Variants in FOXK1 observed in about 807,000 individuals in gnomAD.
FOXK1 encodes the protein forkhead box protein K1.
FOXK1 carries 19 observed loss-of-function variants against 51.9 expected under a neutral mutation model. The observed-to-expected ratio is 0.37, with a 90% CI of 0.26 to 0.54. The LOEUF is 0.54. FOXK1 is among the 20% of genes least tolerant of loss of function. The pLI is 0.87. For synonymous variants in FOXK1, 537 were observed against 482.6 expected (o/e 1.11, Z -1.48); for missense variants, 870 against 1,032.7 (o/e 0.84, Z 2.16).
intron 1 of FOXK1, among the ~76,000 whole-genome samples, chr7:4,686,646 G>A (rs538057244): frequency 2.0e-5 from 3 of 152,274 alleles, no homozygotes; most frequent in South Asian, 2.1e-4. Context: ...GGCTGGGGCC[G>A]AGAATTTATG....
chr7:4,751,847 C>G (rs1333200573), intron 2 of FOXK1, among the ~76,000 whole-genome samples: 2 of 152,240 alleles, frequency 1.3e-5, no homozygotes, highest in Non-Finnish European at 2.9e-5. Context: ...GAGAAACCAC[C>G]CTACTCTCTC....
chr7:4,737,540 G>C (rs189635882), intron 1 of FOXK1, among the ~76,000 whole-genome samples: 1 of 133,068 alleles, frequency 7.5e-6, no homozygotes, highest in East Asian at 2.5e-4. Flanking sequence ...ATTCATGCAC[G>C]TGTGTGCGTG....
In FOXK1 at chr7:4,755,364, C is replaced by T. The variant is rs760068309; in HGVS notation, c.1031C>T (p.Thr344Met). The T allele has an allele frequency of 2.2e-5, 35 of 1,613,432 alleles. No homozygotes were observed. The highest frequency in any genetic ancestry group is 4.0e-5 in the African/African-American group (3 of 74,918). Residue 344 changes from threonine (T) to methionine (M), a missense_variant, in exon 4 of 9, where the codon ACG (threonine) becomes ATG (methionine). Around this residue, in one of 3 missense-constraint regions of FOXK1, gnomAD observed 399 missense variants for 475.6 expected, o/e 0.84. Coordinates refer to ENST00000328914, the MANE Select transcript of FOXK1 (RefSeq NM_001037165.2). This position sits in a 1 kb window ranked among gnomAD's most constrained non-coding sequence, Gnocchi z 6.6. ...HITKHYPYYRTADKGWQNSIR... is the reference protein window; with the variant it reads ...HITKHYPYYRMADKGWQNSIR... ...ACCAAGCATTACCCCTACTACCGGA[C>T]GGCCGACAAAGGCTGGCAGGTGAAG...
chr7:4,738,557 A>G (rs377131565), intron 1 of FOXK1, among the ~76,000 whole-genome samples: 3 of 152,298 alleles, frequency 2.0e-5, no homozygotes, highest in East Asian at 3.9e-4. Flanking sequence ...GTTCCTCTCA[A>G]TGTGACTTAA....
At position 4,761,726 on chromosome 7, in the gene FOXK1, A is replaced by C. The variant is rs1780934968; in HGVS notation, c.1921+438A>C. 6.6e-6 allele frequency among the ~76,000 whole-genome samples: 1 copy of C among 152,070 alleles called. No individual in the cohort carries two copies. Among genetic ancestry groups the C allele is most frequent in the South Asian group, 2.1e-4 (1 of 4,826 alleles). On this transcript the variant is annotated intron_variant, in intron 8 of 8. Coordinates refer to ENST00000328914, the MANE Select transcript of FOXK1 (RefSeq NM_001037165.2). This position sits in a 1 kb window ranked among gnomAD's most constrained non-coding sequence, Gnocchi z 6.2. ...AAAAAAAAGTGGGGGGAAAGAAAAC[A>C]GGGTGGAAGGAAAACCCAGATCTGC...
At chr7:4,725,882 G>A (rs1392362668) in intron 1 of FOXK1, among the ~76,000 whole-genome samples, 3 of 152,224 alleles carry the variant, frequency 2.0e-5, no homozygotes, top group Admixed American at 2.0e-4. Flanking sequence ...CTGGCTGGCA[G>A]GGGTGTGGGT....
At chr7:4,737,472 G>C (rs1780568223) in intron 1 of FOXK1, among the ~76,000 whole-genome samples, 1 of 150,708 alleles carries the variant, frequency 6.6e-6, no homozygotes, top group Non-Finnish European at 1.5e-5. Flanking sequence ...ATGTGTGTGT[G>C]TGCGTGGGTG....
At chr7:4,737,863 C>G (rs1780576069) in intron 1 of FOXK1, among the ~76,000 whole-genome samples, 1 of 152,192 alleles carries the variant, frequency 6.6e-6, no homozygotes, top group African/African-American at 2.4e-5. Context: ...TGGCTCACGC[C>G]TGTAATCCCA....
rs536732172 is a variant in FOXK1, at chr7:4,748,461, T to C, written c.747-5998T>C. Among the ~76,000 whole-genome samples, 4 of 152,356 alleles carry C rather than the reference T, an allele frequency of 2.6e-5. No homozygotes were observed. In the East Asian group the frequency reaches 7.7e-4, roughly 29 times the overall value. On this transcript the variant is annotated intron_variant, in intron 2 of 8. Transcript: ENST00000328914. This position sits in a 1 kb window ranked among gnomAD's most constrained non-coding sequence, Gnocchi z 4.9. The stretch of plus-strand genomic sequence containing the variant: ...TTTCCTTCCTTGTACTTTTGGCTTA[T>C]TTCCGCCACACTCCCCCCGCTCTTG...
rs112443938 is a variant in FOXK1, at chr7:4,735,760, C to T, written c.561-5078C>T. ...CGTGCAGCACCTTCACGATGCAAAA[C>T]GTGCTCGTTCAGACTCCAGCTAGAG... On this transcript the variant is annotated intron_variant, in intron 1 of 8. Coordinates refer to ENST00000328914, the MANE Select transcript of FOXK1 (RefSeq NM_001037165.2). This position sits in a 1 kb window ranked among gnomAD's most constrained non-coding sequence, Gnocchi z 4.7. 6.3e-3 allele frequency among the ~76,000 whole-genome samples: 964 copies of T among 152,300 alleles called. 7 individuals are homozygous for T. The highest frequency in any genetic ancestry group is 0.02 in the African/African-American group (823 of 41,560).
intron 1 of FOXK1, among the ~76,000 whole-genome samples, chr7:4,686,865 G>C (rs1253453881): frequency 6.6e-6 from 1 of 151,200 alleles, no homozygotes; most frequent in African/African-American, 2.4e-5. Context: ...TTATGGGGAG[G>C]GGGGTGAGGT....
intron 7 of FOXK1, 108 bp from the exon 8 acceptor site, chr7:4,760,956 C>T (rs1780923247): frequency 4.0e-6 from 4 of 1,001,094 alleles, no homozygotes; most frequent in Admixed American, 3.8e-5. Context: ...CTATTTTTTC[C>T]CAGTGCCGAC....
chr7:4,684,298 C>T (rs897034964), intron 1 of FOXK1, among the ~76,000 whole-genome samples: 3 of 152,202 alleles, frequency 2.0e-5, no homozygotes, highest in Admixed American at 2.0e-4. Flanking sequence ...TTTATAAACG[C>T]CTTGCGTCTG....
In FOXK1 at chr7:4,761,507, C is replaced by T. The variant is rs1055139345; in HGVS notation, c.1921+219C>T. ...CCTTGGGAGGCCAAGGCAGGCAGAT[C>T]GCTTGAGCTCAGGAGTTCGAGACCA... On this transcript the variant is annotated intron_variant, in intron 8 of 8. Transcript: ENST00000328914. The surrounding 1 kb of genome is among the most constrained non-coding windows in gnomAD (Gnocchi z 6.2). 2.6e-5 allele frequency among the ~76,000 whole-genome samples: 4 copies of T among 152,134 alleles called. No homozygotes were observed. Among genetic ancestry groups the T allele is most frequent in the Non-Finnish European group, 4.4e-5 (3 of 68,022 alleles).
intron 2 of FOXK1, among the ~76,000 whole-genome samples, chr7:4,752,545 G>C (rs1780793102): frequency 6.6e-6 from 1 of 152,242 alleles, no homozygotes; most frequent in African/African-American, 2.4e-5. Flanking sequence ...GGAGTGCTGG[G>C]GGGTGCCCCT....
At chr7:4,696,745 A>G (rs1309872678) in intron 1 of FOXK1, among the ~76,000 whole-genome samples, 1 of 152,174 alleles carries the variant, frequency 6.6e-6, no homozygotes, top group Non-Finnish European at 1.5e-5. Context: ...GAAAGTCCAC[A>G]GTAGATGTTT....
chr7:4,750,080 G>A (rs889434417), intron 2 of FOXK1, among the ~76,000 whole-genome samples: 2 of 152,234 alleles, frequency 1.3e-5, no homozygotes, highest in African/African-American at 4.8e-5. Context: ...CAGCTCTCTC[G>A]CCTGAGGCGG....
chr7:4,732,531 C>T (rs982963135), intron 1 of FOXK1, among the ~76,000 whole-genome samples: 2 of 152,136 alleles, frequency 1.3e-5, no homozygotes, highest in African/African-American at 2.4e-5. Flanking sequence ...TAGGGTCAAG[C>T]GATCGTCCCA....
intron 1 of FOXK1, among the ~76,000 whole-genome samples, chr7:4,721,961 C>T (rs960020309): frequency 8.5e-5 from 13 of 152,232 alleles, no homozygotes; most frequent in Admixed American, 1.3e-4. Flanking sequence ...ATCCCTTTCT[C>T]GTGCAGGAGT....
Sources: gnomAD v4.1 joint callset for allele counts (sites outside exome capture counted in the v4.1 genomes callset) on GRCh38, gnomAD v4.1.1 for gene constraint, gnomAD v4.1.1 regional missense constraint, Gnocchi (gnomAD v3.1) non-coding constraint, MANE v1.5 for transcripts, NCBI Gene and HGNC (gene_info 2026-07-23, HGNC 2026-07-21) for gene names.